Variants in RNF6 observed in about 807,000 individuals in gnomAD.
RNF6 encodes the protein ring finger protein 6.
A neutral mutation model predicts 50.1 loss-of-function variants in RNF6; 21 were observed. The observed-to-expected ratio is 0.42, with a 90% CI of 0.30 to 0.60. The LOEUF (loss-of-function observed/expected upper bound fraction) is 0.60, where lower values mean the gene tolerates loss of function less well. Among genes scored for constraint, RNF6 ranks in the 20% least tolerant of loss-of-function variants. RNF6 has a pLI of 0.20. For synonymous variants in RNF6, 255 were observed against 291.8 expected (o/e 0.87, Z 1.29); for missense variants, 698 against 838.2 (o/e 0.83, Z 2.07).
chr13:26,215,256 C>A lies in RNF6; in HGVS notation c.626G>T (p.Ser209Ile). 1 of 1,614,220 alleles carries A rather than the reference C, an allele frequency of 6.2e-7. No individual in the cohort carries two copies. The highest frequency in any genetic ancestry group is 8.5e-7 in the Non-Finnish European group (1 of 1,180,038). ...SQTSVNFNGS[S>I]SNIPRTRLAS... ...AAGCCTAGTCCTTGGAATGTTGGAACTACTACCATTGAAATTCACTGAGGT... is the reference window on the plus strand; with the variant it reads ...AAGCCTAGTCCTTGGAATGTTGGAAATACTACCATTGAAATTCACTGAGGT... The change falls in exon 5 of 5, where the codon AGT (serine) becomes ATT (isoleucine). Residue 209 changes from serine to isoleucine, a missense_variant. Physicochemically the swap from Ser to Ile is moderately radical, Grantham distance 142. Coordinates refer to ENST00000381588, the MANE Select transcript of RNF6 (RefSeq NM_005977.4).
chr13:26,134,006 CA>C (rs1338317465), intron 5 of RNF6, among the ~76,000 whole-genome samples: 1 of 152,180 alleles, frequency 6.6e-6, no homozygotes, highest in Non-Finnish European at 1.5e-5. Context: ...ATACCTCCAA[CA>C]GGGGAAAGGA....
chr13:26,166,579 A>G (rs1488739618), intron 5 of RNF6, among the ~76,000 whole-genome samples: 1 of 152,200 alleles, frequency 6.6e-6, no homozygotes, highest in Non-Finnish European at 1.5e-5. Context: ...CTGAGAGGCA[A>G]ATCAGGAATG....
At chr13:26,165,034 C>T (rs566391674) in intron 5 of RNF6, among the ~76,000 whole-genome samples, 2 of 152,172 alleles carry the variant, frequency 1.3e-5, no homozygotes, top group Non-Finnish European at 2.9e-5. Context: ...TTCACAGCTG[C>T]CACTCCCATC....
upstream of RNF6, among the ~76,000 whole-genome samples, chr13:26,222,820 G>T (rs1870647309): frequency 6.6e-6 from 1 of 152,008 alleles, no homozygotes; most frequent in Non-Finnish European, 1.5e-5. Flanking sequence ...CGGGGGTCTC[G>T]CTATGTTGCC....
At chr13:26,186,519 A>G (rs1406122534) in intron 5 of RNF6, among the ~76,000 whole-genome samples, 1 of 152,192 alleles carries the variant, frequency 6.6e-6, no homozygotes, top group African/African-American at 2.4e-5. Context: ...CAGGTCTGTT[A>G]GGGCGCGCGC....
At chr13:26,209,077 A>T (rs892487471), downstream of RNF6, among the ~76,000 whole-genome samples, 8 of 152,250 alleles carry the variant, frequency 5.3e-5, no homozygotes, top group Non-Finnish European at 1.2e-4. Flanking sequence ...AATTGTTAAG[A>T]AACTAGTTAC....
At chr13:26,174,084 C>T (rs1872834453) in intron 5 of RNF6, among the ~76,000 whole-genome samples, 1 of 152,162 alleles carries the variant, frequency 6.6e-6, no homozygotes, top group Non-Finnish European at 1.5e-5. Context: ...CACATAGGCT[C>T]ACTGCCATCC....
rs10467681 is a variant in RNF6 at position 26,207,005 on chromosome 13, G to T, written n.768+8469C>A. Among the ~76,000 whole-genome samples the T allele has an allele frequency of 7.0e-3, 1,068 of 152,104 alleles. 9 individuals carry two copies. Among genetic ancestry groups the T allele is most frequent in the Middle Eastern group, 0.024 (7 of 294 alleles). On this transcript the variant is annotated intron_variant and non_coding_transcript_variant, in intron 5 of 5. Transcript: ENST00000468480. Reference sequence around the variant, plus strand: ...TTATATTCTCTCTTGGTATGTGACTGGTTTTAAAAGAAATTAAAACATTTT... The same window carrying T: ...TTATATTCTCTCTTGGTATGTGACTTGTTTTAAAAGAAATTAAAACATTTT...
Position 26,145,274 on chromosome 13 carries a change from G to C in RNF6, n.769-12823C>G, listed in dbSNP as rs865807156. Among the ~76,000 whole-genome samples, 6 of 152,294 alleles carry C rather than the reference G, an allele frequency of 3.9e-5. 1 individual carries two copies. The highest frequency in any genetic ancestry group is 1.4e-4 in the African/African-American group (6 of 41,566). ...ATGATAAGCCGCTGTTATTCTCCAA[G>C]ATCTATTTGTCTTACGCTCAGGTGA... On this transcript the variant is annotated intron_variant and non_coding_transcript_variant, in intron 5 of 5. Coordinates refer to the RNF6 transcript ENST00000468480.
At chr13:26,172,701 G>A (rs1460900030) in intron 5 of RNF6, among the ~76,000 whole-genome samples, 2 of 152,050 alleles carry the variant, frequency 1.3e-5, no homozygotes, top group African/African-American at 4.8e-5. Flanking sequence ...CCGCCACCAT[G>A]CCCGGCTAAT....
chr13:26,220,121 T>C (rs1870326209), intron 2 of RNF6, among the ~76,000 whole-genome samples: 2 of 152,372 alleles, frequency 1.3e-5, no homozygotes, highest in Admixed American at 6.5e-5. Context: ...CAGCAAGGTA[T>C]TCTTTCCAAA....
At chr13:26,142,837 C>T (rs1017375966) in intron 5 of RNF6, among the ~76,000 whole-genome samples, 4 of 152,092 alleles carry the variant, frequency 2.6e-5, no homozygotes, top group African/African-American at 9.7e-5. Flanking sequence ...AATATAGACT[C>T]ATCACAAACC....
In RNF6 at chr13:26,214,830, A is replaced by T. The variant is rs749811682; in HGVS notation, c.1052T>A (p.Leu351Ter). Residue 351 changes from leucine (L) to a stop codon, truncating the protein, a stop_gained, in exon 5 of 5, where the codon TTA (leucine) becomes TAA (stop). Transcript: ENST00000381588. LOFTEE classifies it high-confidence loss of function. ...GCGTTCTCGTTCTCTATCTTGCTCTAAAAAGACTCGAGTTCTACCTCTCCT... is the reference window on the plus strand; with the variant it reads ...GCGTTCTCGTTCTCTATCTTGCTCTTAAAAGACTCGAGTTCTACCTCTCCT... ...VRRRGRTRVFLEQDRERERRG... is the reference protein window; with the variant it reads ...VRRRGRTRVF 1 of 1,614,082 alleles carries T rather than the reference A, an allele frequency of 6.2e-7. No individual in the cohort carries two copies. Among genetic ancestry groups the T allele is most frequent in the Non-Finnish European group, 8.5e-7 (1 of 1,180,044 alleles).
At chr13:26,160,452 G>A (rs150962306) in intron 5 of RNF6, among the ~76,000 whole-genome samples, 2 of 151,712 alleles carry the variant, frequency 1.3e-5, no homozygotes, top group African/African-American at 2.4e-5. Context: ...TTGAACTCCT[G>A]GGCTCAAGTG....
rs1336519176 is a variant in RNF6 at position 26,213,845 on chromosome 13, A to T, written c.2037T>A (p.Ser679=). The T allele has an allele frequency of 6.2e-7, 1 of 1,611,648 alleles. No individual in the cohort carries two copies. The highest frequency in any genetic ancestry group is 8.5e-7 in the Non-Finnish European group (1 of 1,178,358). The change falls in exon 5 of 5, where the codon TCT becomes TCA. Residue 679 remains serine, a synonymous_variant. Coordinates refer to ENST00000381588, the MANE Select transcript of RNF6 (RefSeq NM_005977.4). ...CACCTTACCCATTGTTTGCTATGTT[A>T]GACCCTAAAACAGGCTGCCGACAGA... ...CPICRQPVLG[S]NIANNG is the part of the protein sequence containing the mutation.
In RNF6 at chr13:26,190,042, G is replaced by T. The variant is rs116524827; in HGVS notation, n.768+25432C>A. Among the ~76,000 whole-genome samples, 1,227 of 152,296 alleles carry T rather than the reference G, an allele frequency of 8.1e-3. 11 individuals are homozygous for T. The highest frequency in any genetic ancestry group is 0.027 in the African/African-American group (1,112 of 41,554). On this transcript the variant is annotated intron_variant and non_coding_transcript_variant, in intron 5 of 5. Coordinates refer to the RNF6 transcript ENST00000468480. ...CAGGTCTCACGGGGCTAAAATCAAG[G>T]TGTTGGCAGGACTGTGACCCTTAAT...
At chr13:26,146,554 T>A (rs578083169) in intron 5 of RNF6, among the ~76,000 whole-genome samples, 2 of 152,196 alleles carry the variant, frequency 1.3e-5, no homozygotes, top group Admixed American at 1.3e-4. Context: ...TGGACCACCC[T>A]AGGGTGAGTG....
intron 5 of RNF6, among the ~76,000 whole-genome samples, chr13:26,184,697 G>A (rs1038407033): frequency 6.6e-6 from 1 of 152,158 alleles, no homozygotes; most frequent in Non-Finnish European, 1.5e-5. Context: ...CATAATGACT[G>A]CACAATACGA....
intron 5 of RNF6, among the ~76,000 whole-genome samples, chr13:26,151,788 A>G (rs1871615636): frequency 6.6e-6 from 1 of 152,200 alleles, no homozygotes; most frequent in Non-Finnish European, 1.5e-5. Context: ...TCTGAGGACT[A>G]GAAGAAAAAA....
Sources: gnomAD v4.1 joint callset for allele counts (sites outside exome capture counted in the v4.1 genomes callset) on GRCh38, gnomAD v4.1.1 for gene constraint, MANE v1.5 for transcripts, NCBI Gene and HGNC (gene_info 2026-07-23, HGNC 2026-07-21) for gene names.